ATP13A1: variants seen among roughly 807,000 people sequenced by gnomAD.
The protein encoded by ATP13A1 is endoplasmic reticulum transmembrane helix translocase.
A neutral mutation model predicts 134.8 loss-of-function variants in ATP13A1; 55 were observed. The ratio of observed to expected loss-of-function variants is 0.41; its 90% confidence interval spans 0.33 to 0.51. The LOEUF (loss-of-function observed/expected upper bound fraction) is 0.51, where lower values mean the gene tolerates loss of function less well. Among genes scored for constraint, ATP13A1 ranks in the 20% least tolerant of loss-of-function variants. The probability of loss-of-function intolerance (pLI) is 0.29; values close to 1 mark genes in which losing one functional copy is unlikely to be tolerated. For missense variants in ATP13A1, 1,389 were observed against 1,652.8 expected (o/e 0.84, Z 2.77); for synonymous variants, 775 against 725.1 (o/e 1.07, Z -1.10).
Position 19,654,063 on chromosome 19 carries a change from C to T in ATP13A1, c.1895G>A (p.Arg632Gln). 1.9e-6 allele frequency: 3 copies of T among 1,595,712 alleles called. No individual in the cohort carries two copies. Among genetic ancestry groups the T allele is most frequent in the Non-Finnish European group, 2.6e-6 (3 of 1,171,292 alleles). The change falls in exon 14 of 26, where the codon CGA (arginine) becomes CAA (glutamine). Residue 632 changes from arginine (R) to glutamine (Q), a missense_variant. Arg to Gln is a conservative substitution (Grantham distance 43). This residue lies in a region of ATP13A1 where 747 missense variants were observed against 956.1 expected (regional missense o/e 0.78). Transcript: ENST00000357324. Reference protein sequence around the residue: ...QRFHFASALKRMSVLASYEKL... With the variant: ...QRFHFASALKQMSVLASYEKL... ...CTCATACGAGGCAAGCACGGACATT[C>T]GCTTCAGGGCACTGGCAAAATGAAA... is the stretch of plus-strand genomic sequence containing the variant.
At chr19:19,661,914 C>CT (rs2145024333) in intron 1 of ATP13A1, among the ~76,000 whole-genome samples, 1 of 152,376 alleles carries the variant, frequency 6.6e-6, no homozygotes, top group South Asian at 2.1e-4. Flanking sequence ...AGGCTATACG[C>CT]TGTGATGGCC....
intron 16 of ATP13A1, among the ~76,000 whole-genome samples, chr19:19,652,278 G>GC (rs1424149587): frequency 2.6e-5 from 4 of 152,158 alleles, no homozygotes; most frequent in South Asian, 4.2e-4. Flanking sequence ...GGCAGACAGT[G>GC]CCCCCCACCC....
intron 17 of ATP13A1, chr19:19,650,255 A>C: frequency 2.1e-6 from 1 of 466,038 alleles, no homozygotes; most frequent in Non-Finnish European, 3.9e-6. Context: ...CCTGAAACAC[A>C]CAGAAGGGGG....
intron 19 of ATP13A1, among the ~76,000 whole-genome samples, chr19:19,648,790 CAAG>C (rs2062003980): frequency 1.3e-5 from 1 of 76,586 alleles, no homozygotes; most frequent in African/African-American, 5.3e-5. Flanking sequence ...GCCTGGGCAA[CAAG>C]AGAGAAACTG....
rs754933291 is a variant in ATP13A1, at chr19:19,651,808, G to A, written c.2227-11C>T. ...CGTGATCATGACCACCTTGGGTAAA[G>A]AGGGGCAGAGGCTCAGCATGGCACC... On this transcript the variant is annotated splice_polypyrimidine_tract_variant and intron_variant, in intron 16 of 25. Transcript: ENST00000357324. 6.2e-7 allele frequency: 1 copy of A among 1,604,974 alleles called. No individual in the cohort carries two copies. Among genetic ancestry groups the A allele is most frequent in the East Asian group, 2.2e-5 (1 of 44,710 alleles).
rs1304031644 is a variant in ATP13A1 at position 19,646,312 on chromosome 19, G to A, written c.3141C>T (p.Pro1047=). 4.3e-6 allele frequency: 7 copies of A among 1,613,810 alleles called. No homozygotes were observed. The Admixed American group carries it at 6.7e-5, about 15-fold the overall frequency. Residue 1047 remains proline (P), a synonymous_variant, in exon 23 of 26, where the codon CCC becomes CCT. Transcript: ENST00000357324. ...LKTLSRERPL[P]NIFNLYTILT... ...GGATGGTGTACAGGTTGAAGATGTT[G>A]GGCAGGGGCCGTTCTCGGGAGAGGG...
intron 3 of ATP13A1, among the ~76,000 whole-genome samples, chr19:19,658,853 A>G (rs1307648039): frequency 1.3e-5 from 2 of 152,240 alleles, no homozygotes; most frequent in Non-Finnish European, 2.9e-5. Context: ...CTGTAATCCC[A>G]GCACTTTGGG....
In ATP13A1 at chr19:19,653,147, A is replaced by G. The variant is rs1055326345; in HGVS notation, c.2101-427T>C. 1 of 178,654 alleles carries G rather than the reference A, an allele frequency of 5.6e-6. No individual in the cohort carries two copies. The highest frequency in any genetic ancestry group is 1.3e-4 in the South Asian group (1 of 7,926). The allele number at this position is 178,654 out of a possible 1,614,324, so 11.1% of individuals were successfully genotyped here. ...ACTGCACCAGGGGAGACGCATGATC[A>G]AGAAAGTCACAGAAATCGGAGTGCT... On this transcript the variant is annotated intron_variant, in intron 15 of 25. Transcript: ENST00000357324. This position sits in a 1 kb window ranked among gnomAD's most constrained non-coding sequence, Gnocchi z 4.2.
rs1431139342 is a variant in ATP13A1, at chr19:19,654,138, T to G, written c.1820A>C (p.Lys607Thr). Residue 607 changes from lysine (K) to threonine (T), a missense_variant, in exon 14 of 26, where the codon AAA (lysine) becomes ACA (threonine). Physicochemically the swap from Lys to Thr is moderately conservative, Grantham distance 78 (BLOSUM62 -1). Around this residue, in one of 4 missense-constraint regions of ATP13A1, gnomAD observed 747 missense variants for 956.1 expected, o/e 0.78. Transcript: ENST00000357324. Reference protein sequence around the residue: ...AVDWTLTKDEKVFPRSIKTQG... With the variant: ...AVDWTLTKDETVFPRSIKTQG... The stretch of plus-strand genomic sequence containing the variant: ...AGTTTTAATACTTCGGGGGAATACT[T>G]TCTCATCTGGAAACAAATAAGTACG... 2 of 1,584,644 alleles carry G rather than the reference T, an allele frequency of 1.3e-6. No individual in the cohort carries two copies. The highest frequency in any genetic ancestry group is 1.7e-6 in the Non-Finnish European group (2 of 1,165,640).
Position 19,655,582 on chromosome 19 carries a change from T to A in ATP13A1, c.1342A>T (p.Ile448Phe). The change falls in exon 10 of 26, where the codon ATC (isoleucine) becomes TTC (phenylalanine). Residue 448 changes from isoleucine (I) to phenylalanine (F), a missense_variant. Coordinates refer to ENST00000357324, the MANE Select transcript of ATP13A1 (RefSeq NM_020410.3). The surrounding 1 kb of genome is among the most constrained non-coding windows in gnomAD (Gnocchi z 5.7). ...TANNLETFIF[I>F]LFLLVFAIAA... ...ATGGCAAACACCAGGAGGAAGAGGA[T>A]GAAGATGAAGGTCTCCAGGTTGTTC... The A allele has an allele frequency of 6.2e-7, 1 of 1,613,874 alleles. No individual in the cohort carries two copies.
chr19:19,654,086 A>G lies in ATP13A1; in HGVS notation c.1872T>C (p.Phe624=). Residue 624 remains phenylalanine (F), a synonymous_variant, in exon 14 of 26, where the codon TTT becomes TTC. Transcript: ENST00000357324. ...TTCGCTTCAGGGCACTGGCAAAATG[A>G]AAGCGCTGGTGAATTTTCAGCCCCT... ...KTQGLKIHQR[F]HFASALKRMS... is the part of the protein sequence containing the mutation. 1.9e-6 allele frequency: 3 copies of G among 1,593,014 alleles called. No homozygotes were observed. Among genetic ancestry groups the G allele is most frequent in the Non-Finnish European group, 2.6e-6 (3 of 1,169,954 alleles).
chr19:19,659,738 G>C lies in ATP13A1; in HGVS notation c.540C>G (p.Ser180=), dbSNP rs775456592. The C allele has an allele frequency of 1.2e-6, 2 of 1,613,908 alleles. No homozygotes were observed. Among genetic ancestry groups the C allele is most frequent in the Admixed American group, 1.7e-5 (1 of 60,014 alleles). ...LSFEFQKIKY[S]YDALEKKQFL... ...ACTGCTTCTTCTCCAGGGCATCGTAGGAATACTTGATCTTCTGGAATTCGA... is the reference window on the plus strand; with the variant it reads ...ACTGCTTCTTCTCCAGGGCATCGTACGAATACTTGATCTTCTGGAATTCGA... The change falls in exon 3 of 26, where the codon TCC becomes TCG. Residue 180 remains serine, a synonymous_variant. Transcript: ENST00000357324.
At chr19:19,651,367 T>G in intron 17 of ATP13A1, 1 of 211,964 alleles carries the variant, frequency 4.7e-6, no homozygotes, top group Non-Finnish European at 9.3e-6. Flanking sequence ...GGGTGTGAAA[T>G]GAGGATGACA....
intron 3 of ATP13A1, among the ~76,000 whole-genome samples, chr19:19,657,618 C>T (rs1354805419): frequency 6.6e-6 from 1 of 152,230 alleles, no homozygotes; most frequent in Non-Finnish European, 1.5e-5. Flanking sequence ...GGTAGACATG[C>T]TGCCCGCCCA....
In ATP13A1 at chr19:19,645,799, A is replaced by T; in HGVS notation, c.3361-9T>A. 1.9e-6 allele frequency: 2 copies of T among 1,071,628 alleles called. No individual in the cohort carries two copies. Among genetic ancestry groups the T allele is most frequent in the Non-Finnish European group, 1.3e-6 (1 of 758,860 alleles). 66.4% of individuals were successfully genotyped at this position (1,071,628 alleles called of 1,614,324 possible). On this transcript the variant is annotated splice_polypyrimidine_tract_variant and intron_variant, in intron 24 of 25. Transcript: ENST00000357324. The surrounding 1 kb of genome is among the most constrained non-coding windows in gnomAD (Gnocchi z 4.1). ...TCCATGAAGGGCGGGCCCTGTGGGG[A>T]TGAGGGACAGATGGCTTCATGGGGT...
At chr19:19,663,042 A>AT in intron 1 of ATP13A1, 1 of 728,702 alleles carries the variant, frequency 1.4e-6, no homozygotes, top group East Asian at 2.7e-5. Context: ...CTAAATGACC[A>AT]TAACAGGGAG....
Position 19,647,263 on chromosome 19 carries a change from G to A in ATP13A1, c.2971C>T (p.Leu991=). ...LVTTLQMFKI[L]ALNALILAYS... is the part of the protein sequence containing the mutation. ...GCCAGGATGAGGGCATTGAGCGCCA[G>A]GATCTTGAACATCTGTAGCGTGGTC... Residue 991 remains leucine, a synonymous_variant, in exon 22 of 26, where the codon CTG becomes TTG. Coordinates refer to ENST00000357324, the MANE Select transcript of ATP13A1 (RefSeq NM_020410.3). This position sits in a 1 kb window ranked among gnomAD's most constrained non-coding sequence, Gnocchi z 4.8. 6.2e-7 allele frequency: 1 copy of A among 1,613,832 alleles called. No homozygotes were observed. The highest frequency in any genetic ancestry group is 8.5e-7 in the Non-Finnish European group (1 of 1,179,880).
At chr19:19,649,488 C>T in intron 19 of ATP13A1, 79 bp downstream of exon 19, 2 of 1,463,630 alleles carry the variant, frequency 1.4e-6, no homozygotes, top group Non-Finnish European at 1.9e-6. Context: ...TCACCAAGGG[C>T]CAGGTCTGTC....
chr19:19,646,101 T>C, intron 23 of ATP13A1, 104 bp downstream of exon 23: 8 of 1,592,476 alleles, frequency 5.0e-6, no homozygotes, highest in Non-Finnish European at 6.9e-6. Context: ...TGCCCCTCCC[T>C]GGACACCCTG....
Sources: allele counts gnomAD v4.1 joint callset (sites outside exome capture counted in the v4.1 genomes callset), GRCh38; gene constraint gnomAD v4.1.1; regional missense constraint gnomAD v4.1.1; non-coding constraint Gnocchi (gnomAD v3.1); transcripts MANE v1.5; gene names NCBI Gene and HGNC (gene_info 2026-07-23, HGNC 2026-07-21).